Variants in FTO observed in about 807,000 individuals in gnomAD.
FTO encodes FTO alpha-ketoglutarate dependent dioxygenase.
A neutral mutation model predicts 63.9 loss-of-function variants in FTO; 47 were observed. The ratio of observed to expected loss-of-function variants is 0.74; its 90% CI spans 0.58 to 0.94. The LOEUF is 0.94. Ranked by LOEUF, FTO falls within the 40% of genes least tolerant of loss-of-function variation. The pLI is 0.00. For synonymous variants in FTO, 207 were observed against 224.4 expected, an observed-to-expected ratio of 0.92 and a Z score of 0.69; for missense variants, 562 against 618.1, an observed-to-expected ratio of 0.91 and a Z score of 0.96.
At chr16:53,890,357 G>A (rs2081115131) in intron 7 of FTO, among the ~76,000 whole-genome samples, 1 of 152,124 alleles carries the variant, frequency 6.6e-6, no homozygotes, top group Non-Finnish European at 1.5e-5. Flanking sequence ...CATCACAGCA[G>A]TCTATGCCAT....
intron 8 of FTO, among the ~76,000 whole-genome samples, chr16:53,947,984 G>A (rs190906780): frequency 6.6e-6 from 1 of 152,256 alleles, no homozygotes; most frequent in East Asian, 1.9e-4. Context: ...AAGTACGCCT[G>A]CATGTATAAA....
intron 8 of FTO, among the ~76,000 whole-genome samples, chr16:53,961,572 C>A (rs2083081936): frequency 6.6e-6 from 1 of 152,226 alleles, no homozygotes; most frequent in Non-Finnish European, 1.5e-5. Context: ...TAGATCCCAA[C>A]TTCTGTTGAA....
rs546880358 is a variant in FTO at position 53,906,782 on chromosome 16, G to A, written c.1239+17831G>A. 5.9e-5 allele frequency among the ~76,000 whole-genome samples: 9 copies of A among 152,154 alleles called. No individual in the cohort carries two copies. The South Asian group carries it at 1.7e-3, about 28-fold the overall frequency. ...TTCTAAAGTGGACCAGTGGCTGTCC[G>A]TTCCCCCAAACTAGCCCCCTTCTAG... is the stretch of plus-strand genomic sequence containing the variant. On this transcript the variant is annotated intron_variant, in intron 7 of 8. Transcript: ENST00000471389.
intron 8 of FTO, among the ~76,000 whole-genome samples, chr16:54,089,897 G>A (rs894790157): frequency 1.3e-5 from 2 of 151,744 alleles, no homozygotes; most frequent in Non-Finnish European, 2.9e-5. Context: ...AACAAGGCAA[G>A]CATGTGGAGA....
At chr16:53,818,421 G>T (rs181919735) in intron 2 of FTO, among the ~76,000 whole-genome samples, 165 of 152,044 alleles carry the variant, frequency 1.1e-3, no homozygotes, top group African/African-American at 3.8e-3. Flanking sequence ...GAAGATTTTT[G>T]ACCATTTAGA....
At chr16:53,745,424 G>T (rs761894404) in intron 1 of FTO, among the ~76,000 whole-genome samples, 1 of 152,134 alleles carries the variant, frequency 6.6e-6, no homozygotes, top group African/African-American at 2.4e-5. Context: ...GCCCCAGAAC[G>T]TTGCTATGAA....
At chr16:53,847,301 G>A (rs187624753) in intron 4 of FTO, among the ~76,000 whole-genome samples, 5 of 152,294 alleles carry the variant, frequency 3.3e-5, no homozygotes, top group African/African-American at 1.2e-4. Flanking sequence ...CCTACTCAGC[G>A]CTGAACGCTG....
chr16:53,826,662 G>C (rs149571425), intron 3 of FTO, among the ~76,000 whole-genome samples, 171 bp downstream of exon 3: 1 of 152,322 alleles, frequency 6.6e-6, no homozygotes, highest in Admixed American at 6.5e-5. Flanking sequence ...TGTCACACCT[G>C]TATGTCTGCA....
chr16:53,879,804 A>G (rs540501647), intron 5 of FTO, 40 bp from the exon 6 acceptor site: 1 of 1,607,158 alleles, frequency 6.2e-7, no homozygotes, highest in South Asian at 1.1e-5. Context: ...GTAAACTTAG[A>G]TTTTGCCCAT....
Position 53,948,454 on chromosome 16 carries a change from G to A in FTO, c.1364+14345G>A, listed in dbSNP as rs367577662. ...CTGTTAAGTTCAAGGCAAAACACACGTGTGTGTGTATGCCAGAATCTGCAT... is the reference window on the plus strand; with the variant it reads ...CTGTTAAGTTCAAGGCAAAACACACATGTGTGTGTATGCCAGAATCTGCAT... On this transcript the variant is annotated intron_variant, in intron 8 of 8. Coordinates refer to ENST00000471389, the MANE Select transcript of FTO (RefSeq NM_001080432.3). Among the ~76,000 whole-genome samples the A allele has an allele frequency of 9.2e-5, 14 of 152,220 alleles. No homozygotes were observed. In the East Asian group the frequency reaches 1.7e-3, roughly 19 times the overall value.
intron 1 of FTO, among the ~76,000 whole-genome samples, chr16:53,804,790 A>G (rs1044729191): frequency 4.0e-5 from 6 of 151,758 alleles, no homozygotes; most frequent in African/African-American, 7.3e-5. Flanking sequence ...TAATTTTTGT[A>G]TTTTTGGTAG....
At chr16:54,096,907 G>C (rs1157998149) in intron 8 of FTO, among the ~76,000 whole-genome samples, 1 of 152,194 alleles carries the variant, frequency 6.6e-6, no homozygotes, top group African/African-American at 2.4e-5. Context: ...CAGACATTTA[G>C]TCCGTAACAG....
At chr16:53,765,070 A>G (rs1216812288) in intron 1 of FTO, among the ~76,000 whole-genome samples, 17 of 152,072 alleles carry the variant, frequency 1.1e-4, no homozygotes, top group Non-Finnish European at 7.4e-5. Flanking sequence ...TGGAGAATAC[A>G]TTGCTATTAC....
At chr16:53,928,836 T>G (rs2082211468) in intron 7 of FTO, among the ~76,000 whole-genome samples, 1 of 152,064 alleles carries the variant, frequency 6.6e-6, no homozygotes, top group Non-Finnish European at 1.5e-5. Flanking sequence ...TTTTATGGTT[T>G]TTATTTGTTT....
chr16:53,851,285 TAAAAAA>T (rs571720201), intron 4 of FTO, among the ~76,000 whole-genome samples: 6 of 103,300 alleles, frequency 5.8e-5, no homozygotes, highest in African/African-American at 1.0e-4. Flanking sequence ...CCACCTCTAC[TAAAAAA>T]AAAAAAAAAA....
At chr16:53,777,729 A>T (rs2077494504) in intron 1 of FTO, among the ~76,000 whole-genome samples, 1 of 152,190 alleles carries the variant, frequency 6.6e-6, no homozygotes, top group Admixed American at 6.5e-5. Flanking sequence ...TAGCAAATAC[A>T]AATTTTCTAA....
At chr16:53,887,117 C>T (rs951571052) in intron 6 of FTO, 3 of 152,188 alleles carry the variant, frequency 2.0e-5, no homozygotes, top group Non-Finnish European at 4.4e-5. Context: ...AGGGGCAAAA[C>T]GTTCAACCTG....
intron 8 of FTO, among the ~76,000 whole-genome samples, chr16:54,093,316 G>A (rs1226960539): frequency 6.6e-6 from 1 of 152,218 alleles, no homozygotes; most frequent in East Asian, 1.9e-4. Flanking sequence ...CAGCTAGCGC[G>A]GCAGAAAACG....
At chr16:53,922,853 A>G (rs563259376) in intron 7 of FTO, among the ~76,000 whole-genome samples, 3 of 152,310 alleles carry the variant, frequency 2.0e-5, no homozygotes, top group East Asian at 1.9e-4. Context: ...AGTGAGGGTA[A>G]TAAGAGTGTG....
Sources: gnomAD v4.1 joint callset for allele counts (sites outside exome capture counted in the v4.1 genomes callset) on GRCh38, gnomAD v4.1.1 for gene constraint, MANE v1.5 for transcripts, NCBI Gene and HGNC (gene_info 2026-07-23, HGNC 2026-07-21) for gene names.